UNC5D: variants seen among roughly 807,000 people sequenced by gnomAD.
UNC5D encodes the protein netrin receptor UNC5D.
Under a neutral mutation model 105.4 loss-of-function variants are expected in UNC5D, and 39 were observed. That is an observed-to-expected ratio of 0.37 (90% CI 0.29 to 0.48). The LOEUF is 0.48. Among genes scored for constraint, UNC5D ranks in the 20% least tolerant of loss-of-function variants. UNC5D has a pLI of 0.98. For synonymous variants in UNC5D, 452 were observed against 450.4 expected (o/e 1.00, Z -0.04); for missense variants, 991 against 1,202.4 (o/e 0.82, Z 2.60).
intron 14 of UNC5D, among the ~76,000 whole-genome samples, chr8:35,766,479 A>T (rs931162861): frequency 1.3e-5 from 2 of 152,184 alleles, no homozygotes; most frequent in African/African-American, 4.8e-5. Flanking sequence ...TCAGTTCCTT[A>T]GCATAATTTT....
intron 4 of UNC5D, among the ~76,000 whole-genome samples, chr8:35,652,744 T>C (rs1355096939): frequency 6.6e-6 from 1 of 151,882 alleles, no homozygotes; most frequent in Admixed American, 6.6e-5. Flanking sequence ...TGTTATCATC[T>C]TGAAGAAATC....
chr8:35,760,108 A>G (rs1801453679), intron 14 of UNC5D, among the ~76,000 whole-genome samples: 1 of 150,880 alleles, frequency 6.6e-6, no homozygotes, highest in African/African-American at 2.4e-5. Flanking sequence ...CAGTGGCGCA[A>G]TCTTGGCTCT....
At chr8:35,351,452 G>A (rs540537630) in intron 1 of UNC5D, among the ~76,000 whole-genome samples, 1 of 152,174 alleles carries the variant, frequency 6.6e-6, no homozygotes, top group Non-Finnish European at 1.5e-5. Flanking sequence ...GAACAATGCA[G>A]TTTAAATAAT....
intron 1 of UNC5D, among the ~76,000 whole-genome samples, chr8:35,501,272 G>A (rs1274521768): frequency 5.9e-5 from 9 of 152,232 alleles, no homozygotes; most frequent in Admixed American, 5.9e-4. Context: ...TCCAGGTGCT[G>A]CCTGACCAAG....
intron 1 of UNC5D, among the ~76,000 whole-genome samples, chr8:35,305,577 T>TTTTC (rs1179890296): frequency 0.024 from 1,275 of 53,890 alleles, 12 homozygotes; most frequent in African/African-American, 0.051. Context: ...CTTTCTTTCT[T>TTTTC]TTTCTTTCTT....
intron 9 of UNC5D, among the ~76,000 whole-genome samples, chr8:35,725,728 C>T (rs1828822743): frequency 6.6e-6 from 1 of 152,220 alleles, no homozygotes; most frequent in East Asian, 1.9e-4. Context: ...TCATCTCTTG[C>T]CATTTAAAAT....
At chr8:35,508,717 C>T (rs1160618513) in intron 1 of UNC5D, among the ~76,000 whole-genome samples, 2 of 152,184 alleles carry the variant, frequency 1.3e-5, no homozygotes, top group Non-Finnish European at 2.9e-5. Flanking sequence ...AGGGCAGGGA[C>T]TATGCCTTTT....
At chr8:35,675,948 G>A (rs1476032911) in intron 4 of UNC5D, among the ~76,000 whole-genome samples, 1 of 151,558 alleles carries the variant, frequency 6.6e-6, no homozygotes, top group Non-Finnish European at 1.5e-5. Context: ...CAGAGTAAGT[G>A]ACATATTATG....
intron 11 of UNC5D, among the ~76,000 whole-genome samples, chr8:35,745,354 T>C (rs1320070858): frequency 2.0e-5 from 3 of 152,098 alleles, no homozygotes; most frequent in South Asian, 2.1e-4. Flanking sequence ...AGAGTACGAA[T>C]TGTAGCAATT....
At position 35,595,739 on chromosome 8, in the gene UNC5D, A is replaced by AG. The variant is rs1253080142; in HGVS notation, c.570+85dup. Reference sequence around the variant, plus strand: ...GAGGGCGGAGTCCTGTGTGGCTGGAAGGGAAGTAAAGGAGCCCATGTCTGG... The same window carrying AG: ...GAGGGCGGAGTCCTGTGTGGCTGGAAGGGGAAGTAAAGGAGCCCATGTCTGG... On this transcript the variant is annotated intron_variant, in intron 4 of 16. Coordinates refer to ENST00000404895, the MANE Select transcript of UNC5D (RefSeq NM_080872.4). The AG allele has an allele frequency of 7.5e-6, 9 of 1,193,848 alleles. No homozygotes were observed. In the South Asian group the frequency reaches 1.2e-4, roughly 16 times the overall value. The allele number at this position is 1,193,848 out of a possible 1,614,324, so 74.0% of individuals were successfully genotyped here.
At chr8:35,498,084 CAA>C (rs58175711) in intron 1 of UNC5D, among the ~76,000 whole-genome samples, 1,091 of 57,848 alleles carry the variant, frequency 0.019, 4 homozygotes, top group Non-Finnish European at 0.036. Context: ...CAAAACAAAA[CAA>C]AAAAAAAAAA....
At chr8:35,365,935 T>G (rs557997869) in intron 1 of UNC5D, among the ~76,000 whole-genome samples, 2 of 152,266 alleles carry the variant, frequency 1.3e-5, no homozygotes, top group East Asian at 3.9e-4. Flanking sequence ...ACTGCTCACA[T>G]TTTGTGGGGA....
chr8:35,732,167 G>A (rs1241212527), intron 11 of UNC5D, among the ~76,000 whole-genome samples: 1 of 152,058 alleles, frequency 6.6e-6, no homozygotes, highest in Non-Finnish European at 1.5e-5. Flanking sequence ...AAAAACACTG[G>A]GAGGAAAAAC....
Position 35,460,746 on chromosome 8 carries a change from GT to G in UNC5D, c.104-88539del, listed in dbSNP as rs755747874. The stretch of plus-strand genomic sequence containing the variant: ...TTCCTTATCTATCTCTATCTGGCTG[GT>G]TTTTTTGTTTGTTTGTTTGTTTTGT... On this transcript the variant is annotated intron_variant, in intron 1 of 16. Transcript: ENST00000404895. Among the ~76,000 whole-genome samples the G allele has an allele frequency of 8.5e-5, 13 of 152,234 alleles. No individual in the cohort carries two copies. In the East Asian group the frequency reaches 1.9e-3, roughly 23 times the overall value.
At chr8:35,619,057 C>T (rs927549286) in intron 4 of UNC5D, among the ~76,000 whole-genome samples, 1 of 152,130 alleles carries the variant, frequency 6.6e-6, no homozygotes, top group African/African-American at 2.4e-5. Flanking sequence ...GCTTTCTTTG[C>T]CTCGGAGGAT....
intron 7 of UNC5D, among the ~76,000 whole-genome samples, chr8:35,705,218 C>T (rs1827492047): frequency 6.6e-6 from 1 of 152,172 alleles, no homozygotes; most frequent in South Asian, 2.1e-4. Flanking sequence ...CCCGCCTTGG[C>T]CTCCCAAAGT....
chr8:35,327,418 A>G lies in UNC5D; in HGVS notation c.103+91531A>G, dbSNP rs569355339. 1.1e-4 allele frequency among the ~76,000 whole-genome samples: 17 copies of G among 152,270 alleles called. No individual in the cohort carries two copies. In the East Asian group the frequency reaches 2.3e-3, roughly 21 times the overall value. On this transcript the variant is annotated intron_variant, in intron 1 of 16. Transcript: ENST00000404895. ...ATGACCCGTGCATACCACTGGTGTC[A>G]ATTTACTTCGACATTTCAAGGTTTA...
chr8:35,621,177 C>T (rs2918964), intron 4 of UNC5D, among the ~76,000 whole-genome samples: 14,426 of 152,218 alleles, frequency 0.095, 710 homozygotes, highest in Non-Finnish European at 0.1. Context: ...CTTAGAATCT[C>T]ATTAAGATGC....
At chr8:35,513,182 T>C (rs1812874004) in intron 1 of UNC5D, among the ~76,000 whole-genome samples, 1 of 151,904 alleles carries the variant, frequency 6.6e-6, no homozygotes, top group Non-Finnish European at 1.5e-5. Flanking sequence ...CCATGTGCAT[T>C]GCTTCCTCAT....
Sources: allele counts gnomAD v4.1 joint callset (sites outside exome capture counted in the v4.1 genomes callset), GRCh38; gene constraint gnomAD v4.1.1; transcripts MANE v1.5; gene names NCBI Gene and HGNC (gene_info 2026-07-23, HGNC 2026-07-21).